Variants in C11orf65 observed in about 807,000 individuals in gnomAD.
The protein encoded by C11orf65 is protein MFI.
In C11orf65, 38 loss-of-function variants were observed where a neutral mutation model predicts 35.3. The ratio of observed to expected loss-of-function variants is 1.08; its 90% CI spans 0.83 to 1.41. C11orf65 has a LOEUF of 1.41. C11orf65 is among the 40% of genes most tolerant of loss of function. The pLI, the probability that C11orf65 is intolerant of heterozygous loss-of-function variation, is 0.00. For missense variants in C11orf65, 370 were observed against 367.1 expected, an observed-to-expected ratio of 1.01 and a Z score of -0.06; for synonymous variants, 105 against 114.4, an observed-to-expected ratio of 0.92 and a Z score of 0.53.
chr11:108,348,259 T>C (rs2088714409), intron 2 of C11orf65, among the ~76,000 whole-genome samples: 1 of 149,284 alleles, frequency 6.7e-6, no homozygotes, highest in South Asian at 2.1e-4. Context: ...AGAAAGAGAA[T>C]ATATATAGCT....
downstream of C11orf65, among the ~76,000 whole-genome samples, chr11:108,328,767 A>T (rs762210990): frequency 8.8e-4 from 134 of 151,990 alleles, no homozygotes; most frequent in Non-Finnish European, 1.4e-3. Flanking sequence ...TAATGAGCTT[A>T]AAAAAAATCA....
intron 2 of C11orf65, among the ~76,000 whole-genome samples, chr11:108,341,383 C>T (rs2087556612): frequency 6.6e-6 from 1 of 152,058 alleles, no homozygotes; most frequent in Admixed American, 6.6e-5. Context: ...TTCTCTTATA[C>T]TTATTATCTA....
At chr11:108,336,943 C>T (rs1231248976) in intron 2 of C11orf65, among the ~76,000 whole-genome samples, 1 of 152,144 alleles carries the variant, frequency 6.6e-6, no homozygotes, top group Non-Finnish European at 1.5e-5. Flanking sequence ...ATTCCTGTAC[C>T]TCATTTTTAA....
rs4988087 is a variant in C11orf65, at chr11:108,317,267, GA to G, written c.641-8197del. On this transcript the variant is annotated intron_variant, in intron 6 of 6. Transcript: ENST00000525729. ...ATTTTGGGATTTTAAATGATATTGT[GA>G]ACTAAAATTTGTCTAAGTTAATTTG... 8.4e-4 allele frequency: 1,024 copies of G among 1,218,350 alleles called. 13 individuals are homozygous for G. Among genetic ancestry groups the G allele is most frequent in the South Asian group, 7.6e-3 (590 of 77,884 alleles). 75.5% of individuals were successfully genotyped at this position (1,218,350 alleles called of 1,614,324 possible). A position where few individuals can be genotyped will look rare whatever the true frequency, so the allele number is the denominator to read the frequency against.
chr11:108,378,216 C>T (rs529718116), downstream of C11orf65, among the ~76,000 whole-genome samples: 1 of 152,042 alleles, frequency 6.6e-6, no homozygotes, highest in Admixed American at 6.5e-5. Flanking sequence ...CATCACGCTA[C>T]CTGACTTCAA....
At chr11:108,461,389 G>C (rs983222776) in intron 2 of C11orf65, 90 bp downstream of exon 2, 4 of 976,000 alleles carry the variant, frequency 4.1e-6, no homozygotes, top group East Asian at 2.6e-5. Context: ...AACAGAGAGA[G>C]ATTCTGTCTT....
intron 2 of C11orf65, among the ~76,000 whole-genome samples, chr11:108,444,624 G>A (rs1017198324): frequency 8.5e-5 from 13 of 152,068 alleles, no homozygotes; most frequent in South Asian, 2.1e-4. Context: ...TCCACAGGGT[G>A]GAGCCAAGAT....
intron 3 of C11orf65, among the ~76,000 whole-genome samples, chr11:108,409,213 T>C (rs1046202749): frequency 1.3e-5 from 2 of 152,218 alleles, no homozygotes; most frequent in African/African-American, 2.4e-5. Context: ...CATTCCATCA[T>C]ATAATAGAAT....
In C11orf65 at chr11:108,325,528, C is replaced by T. The variant is rs1468747245; in HGVS notation, c.641-16457G>A. ...GTAGAACTCTCTATACTGGCCAGAACTTTCAAGAACACTCAGGTAAATACA... is the reference window on the plus strand; with the variant it reads ...GTAGAACTCTCTATACTGGCCAGAATTTTCAAGAACACTCAGGTAAATACA... On this transcript the variant is annotated intron_variant, in intron 6 of 6. Transcript: ENST00000525729. The T allele has an allele frequency of 6.2e-7, 1 of 1,604,918 alleles. No homozygotes were observed. Among genetic ancestry groups the T allele is most frequent in the Non-Finnish European group, 8.5e-7 (1 of 1,173,338 alleles).
chr11:108,367,499 C>A (rs908319176), intron 2 of C11orf65: 5 of 205,442 alleles, frequency 2.4e-5, no homozygotes, highest in African/African-American at 9.1e-5. Context: ...TAAAAAGCCA[C>A]CTGAAAGTAA....
At chr11:108,452,107 T>C (rs1187739923) in intron 2 of C11orf65, among the ~76,000 whole-genome samples, 2 of 151,004 alleles carry the variant, frequency 1.3e-5, no homozygotes, top group Non-Finnish European at 3.0e-5. Context: ...AAGGACTTCA[T>C]GACTAAAACA....
In C11orf65 at chr11:108,435,755, CT is replaced by C. The variant is rs545267119; in HGVS notation, c.82-3918del. On this transcript the variant is annotated intron_variant, in intron 2 of 8. Transcript: ENST00000393084. Reference sequence around the variant, plus strand: ...GCATATAAATATTAGCCATTTTTTTCTTTTGTTTTCTCCTGCTCCCATTCCC... The same window carrying C: ...GCATATAAATATTAGCCATTTTTTTCTTTGTTTTCTCCTGCTCCCATTCCC... 5.1e-4 allele frequency among the ~76,000 whole-genome samples: 77 copies of C among 151,928 alleles called. 1 individual carries two copies. Among genetic ancestry groups the C allele is most frequent in the African/African-American group, 1.8e-3 (76 of 41,440 alleles).
At chr11:108,374,699 A>G (rs2091673213) in intron 2 of C11orf65, among the ~76,000 whole-genome samples, 1 of 152,240 alleles carries the variant, frequency 6.6e-6, no homozygotes, top group South Asian at 2.1e-4. Context: ...GAGCTACAGG[A>G]GGAAATTCAA....
chr11:108,443,611 C>G (rs540701111), intron 2 of C11orf65, among the ~76,000 whole-genome samples: 1 of 152,104 alleles, frequency 6.6e-6, no homozygotes, highest in South Asian at 2.1e-4. Context: ...GAAATTATAA[C>G]AAACTGTCTC....
chr11:108,426,191 A>G (rs1485269736), intron 3 of C11orf65, among the ~76,000 whole-genome samples: 1 of 152,228 alleles, frequency 6.6e-6, no homozygotes, highest in Admixed American at 6.5e-5. Flanking sequence ...TCAAATAGAA[A>G]GAGAGGAAGT....
chr11:108,331,275 A>C, downstream of C11orf65: 2 of 1,370,722 alleles, frequency 1.5e-6, no homozygotes, highest in Non-Finnish European at 1.9e-6. Flanking sequence ...TACCCATTAG[A>C]AAGACCTTCA....
exon 4 of C11orf65, chr11:108,331,427 C>T: frequency 1.3e-6 from 2 of 1,598,732 alleles, no homozygotes; most frequent in Non-Finnish European, 1.7e-6. Context: ...AATTTTGTGT[C>T]TTTTTTTTAA....
intron 2 of C11orf65, among the ~76,000 whole-genome samples, chr11:108,337,331 TAGC>T (rs1268593746): frequency 6.6e-5 from 10 of 152,226 alleles, no homozygotes; most frequent in Admixed American, 2.6e-4. Context: ...TGTTTTCCAT[TAGC>T]AGTTTAAAAA....
chr11:108,316,327 G>T (rs1489728277), intron 6 of C11orf65, among the ~76,000 whole-genome samples: 1 of 152,194 alleles, frequency 6.6e-6, no homozygotes, highest in Non-Finnish European at 1.5e-5. Context: ...AGGAAAGTCA[G>T]ACAGGTCATT....
Sources: gnomAD v4.1 joint callset for allele counts (sites outside exome capture counted in the v4.1 genomes callset) on GRCh38, gnomAD v4.1.1 for gene constraint, MANE v1.5 for transcripts, NCBI Gene and HGNC (gene_info 2026-07-23, HGNC 2026-07-21) for gene names.